The following EMP2 variants were observed in gnomAD, a reference collection of about 807,000 sequenced individuals.
EMP2 encodes epithelial membrane protein 2.
In EMP2, 19 loss-of-function variants were observed where a neutral mutation model predicts 13.7. The observed-to-expected ratio is 1.38, with a 90% confidence interval of 0.97 to 2.03. The LOEUF is 2.03. Ranked by LOEUF, EMP2 falls within the 30% of genes most tolerant of loss-of-function variation. The probability of loss-of-function intolerance (pLI) is 0.00; values close to 1 mark genes in which losing one functional copy is unlikely to be tolerated. For missense variants in EMP2, 253 were observed against 220.7 expected, an observed-to-expected ratio of 1.15 and a Z score of -0.93; for synonymous variants, 97 against 84.7, an observed-to-expected ratio of 1.15 and a Z score of -0.80.
chr16:10,557,354 CTCAAA>C (rs1254430655), intron 1 of EMP2, among the ~76,000 whole-genome samples: 1 of 122,402 alleles, frequency 8.2e-6, no homozygotes, highest in African/African-American at 2.7e-5. Flanking sequence ...GAGACTCCAT[CTCAAA>C]AAAAAAAAAA....
intron 1 of EMP2, among the ~76,000 whole-genome samples, chr16:10,548,892 G>T (rs1223788970): frequency 6.6e-6 from 1 of 152,112 alleles, no homozygotes; most frequent in Non-Finnish European, 1.5e-5. Flanking sequence ...GCAGCTAGAT[G>T]GGGAACTCAT....
chr16:10,534,153 G>A (rs140318136), intron 4 of EMP2, among the ~76,000 whole-genome samples: 122 of 152,154 alleles, frequency 8.0e-4, no homozygotes, highest in Non-Finnish European at 1.2e-3. Context: ...AAAAGAGAGC[G>A]ATGAGGGAGG....
At chr16:10,562,513 G>C (rs1397564557) in intron 1 of EMP2, among the ~76,000 whole-genome samples, 1 of 152,054 alleles carries the variant, frequency 6.6e-6, no homozygotes, top group African/African-American at 2.4e-5. Flanking sequence ...CCCTAGACCA[G>C]CCAGCCCCCA....
At chr16:10,573,929 C>A (rs1031600140) in intron 1 of EMP2, among the ~76,000 whole-genome samples, 11 of 138,266 alleles carry the variant, frequency 8.0e-5, no homozygotes, top group Admixed American at 1.4e-4. Context: ...AATGGATAAA[C>A]CTTTTTTTTT....
chr16:10,529,043 A>C lies in EMP2; in HGVS notation c.*3862T>G, dbSNP rs930438923. ...GGTATATATATATACACATTCACAC[A>C]GACCAACAAGTCAAGCATTCTCCAA... On this transcript the variant is annotated 3_prime_UTR_variant, in exon 5 of 5. Coordinates refer to ENST00000359543, the MANE Select transcript of EMP2 (RefSeq NM_001424.6). 1 of 152,222 alleles carries C rather than the reference A, an allele frequency of 6.6e-6. No individual in the cohort carries two copies. Among genetic ancestry groups the C allele is most frequent in the African/African-American group, 2.4e-5 (1 of 41,456 alleles). The allele number at this position is 152,222 out of a possible 1,614,324, so 9.4% of individuals were successfully genotyped here. A position where few individuals can be genotyped will look rare whatever the true frequency, so the allele number is the denominator to read the frequency against.
intron 1 of EMP2, among the ~76,000 whole-genome samples, chr16:10,557,699 T>C (rs1405402582): frequency 6.6e-6 from 1 of 152,204 alleles, no homozygotes. Context: ...GTAGATACCA[T>C]GGTGAGCTGT....
intron 1 of EMP2, among the ~76,000 whole-genome samples, chr16:10,553,295 G>A (rs1050265889): frequency 7.9e-5 from 12 of 152,220 alleles, no homozygotes; most frequent in Admixed American, 7.9e-4. Flanking sequence ...TCCTTCCAGA[G>A]ATATTGATTG....
At position 10,580,114 on chromosome 16, in the gene EMP2, G is replaced by T. The variant is rs960264039; in HGVS notation, c.-61+435C>A. Among the ~76,000 whole-genome samples the T allele has an allele frequency of 5.9e-5, 9 of 152,120 alleles. No individual in the cohort carries two copies. Among genetic ancestry groups the T allele is most frequent in the African/African-American group, 1.9e-4 (8 of 41,444 alleles). ...CGGAGCAGCGGCGGGGGCCTAGAGG[G>T]GTACGCAGCCCAGGAGGACCCGCTG... On this transcript the variant is annotated intron_variant, in intron 1 of 4. Transcript: ENST00000359543. The surrounding 1 kb of genome is among the most constrained non-coding windows in gnomAD (Gnocchi z 4.3).
At chr16:10,557,698 A>G (rs1052068728) in intron 1 of EMP2, among the ~76,000 whole-genome samples, 19 of 152,204 alleles carry the variant, frequency 1.2e-4, no homozygotes, top group Non-Finnish European at 2.5e-4. Context: ...TGTAGATACC[A>G]TGGTGAGCTG....
At chr16:10,549,354 G>C (rs2050764433) in intron 1 of EMP2, among the ~76,000 whole-genome samples, 2 of 152,176 alleles carry the variant, frequency 1.3e-5, no homozygotes. Context: ...GTCTGAGCTG[G>C]AGAAGTTCCC....
At chr16:10,556,013 G>C (rs746987869) in intron 1 of EMP2, among the ~76,000 whole-genome samples, 85 of 152,112 alleles carry the variant, frequency 5.6e-4, no homozygotes, top group Non-Finnish European at 1.1e-3. Flanking sequence ...AGGGAAAAGT[G>C]TCTCTTTTTC....
chr16:10,569,434 G>A (rs1228639234), intron 1 of EMP2, among the ~76,000 whole-genome samples: 1 of 152,190 alleles, frequency 6.6e-6, no homozygotes, highest in South Asian at 2.1e-4. Context: ...CTGGGCTCAG[G>A]TGATCCTTTT....
At chr16:10,554,361 G>C (rs1461204418) in intron 1 of EMP2, among the ~76,000 whole-genome samples, 3 of 152,136 alleles carry the variant, frequency 2.0e-5, no homozygotes, top group Non-Finnish European at 4.4e-5. Flanking sequence ...AAGCATTTAT[G>C]TGAGTGGGTG....
chr16:10,580,248 A>G lies in EMP2; in HGVS notation c.-61+301T>C, dbSNP rs1299556368. ...CTGGACTCCAAGAGCCCCGGGTGTA[A>G]GTCCGGCGGGGCGAGGGGAGGCGCC... On this transcript the variant is annotated intron_variant, in intron 1 of 4. Coordinates refer to ENST00000359543, the MANE Select transcript of EMP2 (RefSeq NM_001424.6). The surrounding 1 kb of genome is among the most constrained non-coding windows in gnomAD (Gnocchi z 4.3). Among the ~76,000 whole-genome samples the G allele has an allele frequency of 2.0e-5, 3 of 152,142 alleles. No homozygotes were observed. Among genetic ancestry groups the G allele is most frequent in the Non-Finnish European group, 2.9e-5 (2 of 68,024 alleles).
At chr16:10,560,575 G>A (rs2050863971) in intron 1 of EMP2, among the ~76,000 whole-genome samples, 1 of 152,226 alleles carries the variant, frequency 6.6e-6, no homozygotes, top group East Asian at 1.9e-4. Context: ...TATGTACTGG[G>A]CATGAGTAAG....
intron 2 of EMP2, chr16:10,547,205 G>A (rs1037743083): frequency 7.2e-5 from 14 of 195,020 alleles, no homozygotes; most frequent in Middle Eastern, 3.9e-3. Context: ...GGAGGGACCC[G>A]GTGGGAGGTA....
At chr16:10,562,336 T>TTCTCTCTG in intron 1 of EMP2, among the ~76,000 whole-genome samples, 1 of 124,206 alleles carries the variant, frequency 8.1e-6, no homozygotes, top group East Asian at 2.5e-4. Context: ...CTCATGCATG[T>TTCTCTCTG]TCTCTCTCTC....
At chr16:10,536,955 T>TCACTG (rs2050651553) in intron 4 of EMP2, among the ~76,000 whole-genome samples, 1 of 152,136 alleles carries the variant, frequency 6.6e-6, no homozygotes, top group Non-Finnish European at 1.5e-5. Context: ...GAACAAGTTG[T>TCACTG]CACTGCACTG....
At chr16:10,552,500 C>T (rs2050795791) in intron 1 of EMP2, among the ~76,000 whole-genome samples, 1 of 152,136 alleles carries the variant, frequency 6.6e-6, no homozygotes, top group South Asian at 2.1e-4. Flanking sequence ...AAGGAAAAGA[C>T]CCAGTTTGGT....
Sources: gnomAD v4.1 joint callset for allele counts (sites outside exome capture counted in the v4.1 genomes callset) on GRCh38, gnomAD v4.1.1 for gene constraint, Gnocchi (gnomAD v3.1) non-coding constraint, MANE v1.5 for transcripts, NCBI Gene and HGNC (gene_info 2026-07-23, HGNC 2026-07-21) for gene names.